Variants in ENOX1 observed in about 807,000 individuals in gnomAD.
The protein encoded by ENOX1 is ecto-NOX disulfide-thiol exchanger 1, also known as candidate growth-related and time keeping constitutive hydroquinone (NADH) oxidase.
In ENOX1, 42 loss-of-function variants were observed where a neutral mutation model predicts 82.5. The ratio of observed to expected loss-of-function variants is 0.51; its 90% CI spans 0.40 to 0.66. The LOEUF is 0.66. Ranked by LOEUF, ENOX1 falls within the 30% of genes least tolerant of loss-of-function variation. The pLI is 0.00. For missense variants in ENOX1, 608 were observed against 811.6 expected (o/e 0.75, Z 3.05); for synonymous variants, 271 against 282.2 (o/e 0.96, Z 0.40).
intron 2 of ENOX1, among the ~76,000 whole-genome samples, chr13:43,486,771 C>A (rs539701389): frequency 2.6e-5 from 4 of 152,184 alleles, no homozygotes; most frequent in Admixed American, 6.5e-5. Context: ...ACTTAGCCTC[C>A]TTATCTGCAG....
intron 12 of ENOX1, among the ~76,000 whole-genome samples, chr13:43,276,896 A>T (rs757400760): frequency 2.0e-5 from 3 of 152,182 alleles, no homozygotes; most frequent in Non-Finnish European, 2.9e-5. Flanking sequence ...ACTACTCAAG[A>T]TCTATTCTAG....
intron 3 of ENOX1, among the ~76,000 whole-genome samples, chr13:43,448,100 T>C (rs1169035489): frequency 6.6e-6 from 1 of 152,254 alleles, no homozygotes; most frequent in Admixed American, 6.5e-5. Flanking sequence ...AAGTAATTTA[T>C]GCTGCAGCTG....
chr13:43,667,914 G>T (rs1241333979), intron 1 of ENOX1, among the ~76,000 whole-genome samples: 1 of 152,170 alleles, frequency 6.6e-6, no homozygotes, highest in Non-Finnish European at 1.5e-5. Flanking sequence ...GTTAATTAAT[G>T]GCAGTACAAT....
intron 10 of ENOX1, among the ~76,000 whole-genome samples, chr13:43,325,180 C>T (rs1012249900): frequency 1.9e-4 from 29 of 152,070 alleles, no homozygotes; most frequent in African/African-American, 6.8e-4. Context: ...CAGGTAAGCA[C>T]CCTTCATTTT....
intron 11 of ENOX1, among the ~76,000 whole-genome samples, chr13:43,316,135 G>A (rs995690944): frequency 6.6e-6 from 1 of 152,140 alleles, no homozygotes; most frequent in African/African-American, 2.4e-5. Flanking sequence ...GGGACTCATA[G>A]CACTAAGCAA....
chr13:43,495,497 T>C (rs1302845421), intron 2 of ENOX1, among the ~76,000 whole-genome samples: 1 of 152,096 alleles, frequency 6.6e-6, no homozygotes, highest in African/African-American at 2.4e-5. Flanking sequence ...CTTCCAGTAG[T>C]TAATTCATAA....
At chr13:43,731,197 A>G (rs1480315495) in intron 1 of ENOX1, among the ~76,000 whole-genome samples, 1 of 152,178 alleles carries the variant, frequency 6.6e-6, no homozygotes, top group Non-Finnish European at 1.5e-5. Context: ...GACCCCGGGT[A>G]ATTACATCAA....
chr13:43,389,628 G>A (rs2052645048), intron 5 of ENOX1, among the ~76,000 whole-genome samples: 3 of 152,014 alleles, frequency 2.0e-5, no homozygotes, highest in Admixed American at 2.0e-4. Context: ...TGAAAGAAAA[G>A]GAAGAAAGAA....
intron 14 of ENOX1, among the ~76,000 whole-genome samples, chr13:43,244,096 C>T (rs968339172): frequency 6.6e-5 from 10 of 150,734 alleles, no homozygotes; most frequent in East Asian, 1.9e-4. Context: ...GCAGAATGGC[C>T]GAATGGAAGC....
At chr13:43,508,184 C>T (rs988409628) in intron 2 of ENOX1, among the ~76,000 whole-genome samples, 1 of 152,006 alleles carries the variant, frequency 6.6e-6, no homozygotes, top group Middle Eastern at 3.2e-3. Flanking sequence ...GTCACGAGAG[C>T]TCCATCCTCA....
chr13:43,773,982 G>A (rs1049567722), intron 1 of ENOX1, among the ~76,000 whole-genome samples: 2 of 152,056 alleles, frequency 1.3e-5, no homozygotes, highest in Non-Finnish European at 2.9e-5. Context: ...TAAAATGTTA[G>A]TTATTCTAAA....
intron 2 of ENOX1, among the ~76,000 whole-genome samples, chr13:43,632,096 A>T (rs2153751233): frequency 6.6e-6 from 1 of 152,252 alleles, no homozygotes; most frequent in South Asian, 2.1e-4. Flanking sequence ...TCAATTTTCT[A>T]TTGAGATGTT....
intron 12 of ENOX1, among the ~76,000 whole-genome samples, chr13:43,276,831 TG>T (rs5803170): frequency 0.97 from 148,119 of 152,292 alleles, 72,184 homozygotes; most frequent in East Asian, 1. Flanking sequence ...CTTTTCTCCT[TG>T]GGGAAAAAAA....
At chr13:43,237,321 T>C (rs1429421200) in intron 14 of ENOX1, among the ~76,000 whole-genome samples, 5 of 152,166 alleles carry the variant, frequency 3.3e-5, no homozygotes, top group South Asian at 2.1e-4. Context: ...ACGTGAAACA[T>C]TGAGGCTGGA....
intron 15 of ENOX1, among the ~76,000 whole-genome samples, chr13:43,234,181 G>A (rs975658954): frequency 2.0e-4 from 31 of 152,144 alleles, no homozygotes; most frequent in Admixed American, 1.9e-3. Context: ...GTGGCAGGCA[G>A]AAACTGCAGC....
At chr13:43,255,726 G>T (rs2043709052) in intron 14 of ENOX1, among the ~76,000 whole-genome samples, 1 of 152,020 alleles carries the variant, frequency 6.6e-6, no homozygotes, top group Non-Finnish European at 1.5e-5. Context: ...AGAAGTAAAA[G>T]ATCTCTAGAC....
intron 1 of ENOX1, among the ~76,000 whole-genome samples, chr13:43,762,848 T>C (rs978314707): frequency 1.3e-5 from 2 of 152,250 alleles, no homozygotes; most frequent in African/African-American, 4.8e-5. Context: ...GGGAAATTTC[T>C]ATATTTGTTA....
intron 2 of ENOX1, among the ~76,000 whole-genome samples, chr13:43,539,334 A>G (rs1046019274): frequency 3.9e-5 from 6 of 152,190 alleles, no homozygotes; most frequent in Admixed American, 2.0e-4. Flanking sequence ...CAAAGATGGC[A>G]TTAGTTGCAT....
intron 9 of ENOX1, among the ~76,000 whole-genome samples, chr13:43,331,835 TA>T (rs1268225030): frequency 6.6e-6 from 1 of 152,128 alleles, no homozygotes; most frequent in Non-Finnish European, 1.5e-5. Flanking sequence ...GCTGCTGCTA[TA>T]AAAGAGATTC....
Sources: gnomAD v4.1 joint callset for allele counts (sites outside exome capture counted in the v4.1 genomes callset) on GRCh38, gnomAD v4.1.1 for gene constraint, MANE v1.5 for transcripts, NCBI Gene and HGNC (gene_info 2026-07-23, HGNC 2026-07-21) for gene names.